Variants in RIPOR2 observed in about 807,000 individuals in gnomAD.
RIPOR2 encodes the protein rho family-interacting cell polarization regulator 2.
Under a neutral mutation model 114.5 loss-of-function variants are expected in RIPOR2, and 39 were observed. The ratio of observed to expected loss-of-function variants is 0.34; its 90% CI spans 0.26 to 0.44. The LOEUF is 0.44. Among genes scored for constraint, RIPOR2 ranks in the 20% least tolerant of loss-of-function variants. The probability of loss-of-function intolerance (pLI) is 1.00; values close to 1 mark genes in which losing one functional copy is unlikely to be tolerated. For synonymous variants in RIPOR2, 445 were observed against 484.4 expected (o/e 0.92, Z 1.07); for missense variants, 1,007 against 1,255.1 (o/e 0.80, Z 2.99).
At chr6:24,884,196 C>T (rs920673203) in intron 1 of RIPOR2, among the ~76,000 whole-genome samples, 13 of 151,780 alleles carry the variant, frequency 8.6e-5, no homozygotes, top group African/African-American at 3.1e-4. Context: ...ATCATGAGGT[C>T]AGGAGATCGA....
At position 24,873,818 on chromosome 6, in the gene RIPOR2, A is replaced by AG. The variant is rs753450958; in HGVS notation, c.189-20_189-19insC. 5 of 1,586,636 alleles carry AG rather than the reference A, an allele frequency of 3.2e-6. No individual in the cohort carries two copies. In the South Asian group the frequency reaches 5.8e-5, roughly 18 times the overall value. On this transcript the variant is annotated intron_variant, in intron 2 of 21. Coordinates refer to ENST00000643898, the MANE Select transcript of RIPOR2 (RefSeq NM_001286445.3). ...GTTACACCTATGGAAAGAACAGAAG[A>AG]AATTGTGAGGATTGGGCATCCAAAA...
intron 1 of RIPOR2, among the ~76,000 whole-genome samples, chr6:25,040,273 G>A (rs555550770): frequency 1.4e-4 from 21 of 152,122 alleles, no homozygotes; most frequent in African/African-American, 2.6e-4. Context: ...CCACCACCAC[G>A]CCTGGCTAAT....
intron 11 of RIPOR2, among the ~76,000 whole-genome samples, chr6:24,849,206 T>C (rs1305136477): frequency 6.6e-6 from 1 of 152,186 alleles, no homozygotes. Flanking sequence ...CACCTGGAGC[T>C]GCTAGTGTTA....
intron 1 of RIPOR2, among the ~76,000 whole-genome samples, chr6:25,036,351 C>G (rs2394361): frequency 0.055 from 8,333 of 152,176 alleles, 267 homozygotes; most frequent in Non-Finnish European, 0.068. Flanking sequence ...GTGGCTGCCT[C>G]CATCAAAGCT....
rs1361674160 is a variant in RIPOR2 at position 24,806,313 on chromosome 6, A to G, written c.*60T>C. ...CTAAACAATTTCCAGCCCAAACCACAGCACCATCCTGATGAAAAGGGCCAG... is the reference window on the plus strand; with the variant it reads ...CTAAACAATTTCCAGCCCAAACCACGGCACCATCCTGATGAAAAGGGCCAG... On this transcript the variant is annotated 3_prime_UTR_variant, in exon 22 of 22. Coordinates refer to ENST00000643898, the MANE Select transcript of RIPOR2 (RefSeq NM_001286445.3). 9.2e-6 allele frequency: 11 copies of G among 1,195,528 alleles called. No individual in the cohort carries two copies. Among genetic ancestry groups the G allele is most frequent in the Non-Finnish European group, 1.2e-5 (10 of 827,032 alleles). 74.1% of individuals were successfully genotyped at this position (1,195,528 alleles called of 1,614,324 possible).
intron 1 of RIPOR2, among the ~76,000 whole-genome samples, chr6:24,925,343 T>C (rs1184552826): frequency 6.6e-6 from 1 of 152,234 alleles, no homozygotes; most frequent in South Asian, 2.1e-4. Flanking sequence ...ACAAGCTGTG[T>C]TGTCTTTTTG....
upstream of RIPOR2, among the ~76,000 whole-genome samples, chr6:24,938,984 A>T (rs892778187): frequency 2.0e-5 from 3 of 152,238 alleles, no homozygotes; most frequent in African/African-American, 7.2e-5. Context: ...GTATAATTAT[A>T]TTTATATGAG....
At chr6:24,901,877 A>G (rs1768484222) in intron 1 of RIPOR2, among the ~76,000 whole-genome samples, 1 of 152,176 alleles carries the variant, frequency 6.6e-6, no homozygotes, top group African/African-American at 2.4e-5. Context: ...GAAATTAGAG[A>G]CATTGATATT....
intron 8 of RIPOR2, among the ~76,000 whole-genome samples, chr6:24,853,737 T>C (rs954398183): frequency 6.6e-6 from 1 of 152,192 alleles, no homozygotes; most frequent in Non-Finnish European, 1.5e-5. Context: ...CGTTAATACA[T>C]GGTAATGACA....
chr6:24,882,877 A>C (rs1185352242), intron 1 of RIPOR2, among the ~76,000 whole-genome samples: 1 of 152,156 alleles, frequency 6.6e-6, no homozygotes, highest in Non-Finnish European at 1.5e-5. Flanking sequence ...TCCTTTGAAT[A>C]ATAAGAGGAA....
chr6:24,984,903 T>C (rs1774470685), intron 1 of RIPOR2, among the ~76,000 whole-genome samples: 1 of 152,186 alleles, frequency 6.6e-6, no homozygotes, highest in African/African-American at 2.4e-5. Context: ...TTGAGGTTCC[T>C]CTTGGTGTTC....
In RIPOR2 at chr6:24,922,847, C is replaced by G. The variant is rs533172529; in HGVS notation, c.61+12991G>C. Reference sequence around the variant, plus strand: ...TCACACTACAGCCTGTGCAACAGAACAGGACAGTCTCAAAAAAAAAAAAAA... The same window carrying G: ...TCACACTACAGCCTGTGCAACAGAAGAGGACAGTCTCAAAAAAAAAAAAAA... On this transcript the variant is annotated intron_variant, in intron 1 of 21. Coordinates refer to ENST00000643898, the MANE Select transcript of RIPOR2 (RefSeq NM_001286445.3). Among the ~76,000 whole-genome samples the G allele has an allele frequency of 9.2e-5, 9 of 97,706 alleles. No homozygotes were observed. The East Asian group carries it at 2.8e-3, about 30-fold the overall frequency. 64.1% of individuals were successfully genotyped at this position (97,706 alleles called of 152,430 possible).
chr6:24,929,394 C>A (rs548381946), intron 1 of RIPOR2: 2 of 152,360 alleles, frequency 1.3e-5, no homozygotes, highest in South Asian at 2.1e-4. Flanking sequence ...GTCAGCCAAG[C>A]ACATCCTCAT....
chr6:24,845,645 T>C (rs1762190068), intron 12 of RIPOR2, among the ~76,000 whole-genome samples: 1 of 152,176 alleles, frequency 6.6e-6, no homozygotes, highest in South Asian at 2.1e-4. Flanking sequence ...TAAATTGAGA[T>C]GCCCTGCCCA....
At chr6:24,951,090 C>G (rs373700825) in intron 1 of RIPOR2, among the ~76,000 whole-genome samples, 1 of 152,244 alleles carries the variant, frequency 6.6e-6, no homozygotes, top group East Asian at 1.9e-4. Flanking sequence ...TAGGCAAGAG[C>G]GATCAGAGAC....
intron 1 of RIPOR2, chr6:24,929,491 A>G (rs547803905): frequency 6.6e-6 from 1 of 152,272 alleles, no homozygotes; most frequent in East Asian, 1.9e-4. Context: ...TCTCATTAGC[A>G]CTTGCATTTC....
intron 17 of RIPOR2, among the ~76,000 whole-genome samples, chr6:24,829,170 G>T (rs930939268): frequency 6.6e-6 from 1 of 151,992 alleles, no homozygotes; most frequent in Non-Finnish European, 1.5e-5. Context: ...AAAATTAGCT[G>T]GTCATGGTGG....
At chr6:24,887,153 CTT>C (rs983103398) in intron 1 of RIPOR2, among the ~76,000 whole-genome samples, 1 of 152,196 alleles carries the variant, frequency 6.6e-6, no homozygotes, top group Non-Finnish European at 1.5e-5. Context: ...AACCTCAAAA[CTT>C]TGAATTACTG....
chr6:24,809,844 T>G, intron 20 of RIPOR2, 37 bp from the exon 21 acceptor site: 1 of 1,347,386 alleles, frequency 7.4e-7, no homozygotes, highest in South Asian at 1.3e-5. Context: ...TGTTTTGACA[T>G]TTAGGTCTAG....
Sources: allele counts gnomAD v4.1 joint callset (sites outside exome capture counted in the v4.1 genomes callset), GRCh38; gene constraint gnomAD v4.1.1; transcripts MANE v1.5; gene names NCBI Gene and HGNC (gene_info 2026-07-23, HGNC 2026-07-21).